The following MLC1 variants were observed in gnomAD, a reference collection of about 807,000 sequenced individuals.
MLC1 encodes membrane protein MLC1.
In MLC1, 32 loss-of-function variants were observed where a neutral mutation model predicts 44.7. The observed-to-expected ratio is 0.72, with a 90% confidence interval of 0.54 to 0.96. The LOEUF is 0.96. Ranked by LOEUF, MLC1 falls within the 40% of genes least tolerant of loss-of-function variation. The pLI, the probability that MLC1 is intolerant of heterozygous loss-of-function variation, is 0.00. For synonymous variants in MLC1, 190 were observed against 213.0 expected (o/e 0.89, Z 0.94); for missense variants, 459 against 492.2 (o/e 0.93, Z 0.64).
At chr22:50,072,555 G>A (rs938012975) in intron 8 of MLC1, among the ~76,000 whole-genome samples, 7 of 152,196 alleles carry the variant, frequency 4.6e-5, no homozygotes, top group Non-Finnish European at 7.4e-5. Context: ...AGAGAGCAGA[G>A]CCACCCCCGA....
At chr22:50,073,409 G>T (rs2061905644) in intron 8 of MLC1, among the ~76,000 whole-genome samples, 1 of 152,252 alleles carries the variant, frequency 6.6e-6, no homozygotes, top group Non-Finnish European at 1.5e-5. Flanking sequence ...TGGGCTACAG[G>T]CTGTGAGGGG....
Position 50,077,516 on chromosome 22 carries a change from C to T in MLC1, c.424-14G>A, listed in dbSNP as rs2062014700. ...GTTGAAGTTGATCTGCCAAGGGGCA[C>T]ACACGCTTCAGCACCGGGCCCGCCT... On this transcript the variant is annotated splice_polypyrimidine_tract_variant and intron_variant, in intron 5 of 11. Coordinates refer to ENST00000311597, the MANE Select transcript of MLC1 (RefSeq NM_015166.4). The T allele has an allele frequency of 6.2e-7, 1 of 1,607,412 alleles. No individual in the cohort carries two copies. Among genetic ancestry groups the T allele is most frequent in the African/African-American group, 1.3e-5 (1 of 74,930 alleles).
At chr22:50,074,931 C>T (rs2061942740) in intron 7 of MLC1, among the ~76,000 whole-genome samples, 1 of 152,246 alleles carries the variant, frequency 6.6e-6, no homozygotes, top group Admixed American at 6.5e-5. Flanking sequence ...GCAGAGCTGT[C>T]TCTGAGCTGC....
Position 50,083,532 on chromosome 22 carries a change from C to G in MLC1, c.178-359G>C, listed in dbSNP as rs1181479208. On this transcript the variant is annotated intron_variant, in intron 2 of 11. Coordinates refer to ENST00000311597, the MANE Select transcript of MLC1 (RefSeq NM_015166.4). The surrounding 1 kb of genome is among the most constrained non-coding windows in gnomAD (Gnocchi z 4.6). ...TGTGCGTGCAGTCTTCCAGATCCCA[C>G]ACCCAGGTCCAGACACGAGACTGGA... 3.9e-5 allele frequency among the ~76,000 whole-genome samples: 6 copies of G among 152,228 alleles called. No individual in the cohort carries two copies. The highest frequency in any genetic ancestry group is 1.4e-4 in the African/African-American group (6 of 41,458).
At chr22:50,080,687 G>A (rs976120417) in intron 3 of MLC1, among the ~76,000 whole-genome samples, 8 of 152,090 alleles carry the variant, frequency 5.3e-5, no homozygotes, top group African/African-American at 9.7e-5. Context: ...GGCATGAGCC[G>A]CTGCGCCCAA....
intron 10 of MLC1, among the ~76,000 whole-genome samples, chr22:50,066,659 T>TAAA (rs201958391): frequency 1.5e-4 from 22 of 143,438 alleles, no homozygotes; most frequent in South Asian, 4.4e-4. Flanking sequence ...GACTCTATCT[T>TAAA]AAAAAAAAAA....
intron 8 of MLC1, among the ~76,000 whole-genome samples, chr22:50,073,167 C>T (rs1401935530): frequency 1.3e-5 from 2 of 152,234 alleles, no homozygotes; most frequent in African/African-American, 2.4e-5. Context: ...GCATGGGCCT[C>T]GGCAGCTTCA....
chr22:50,083,290 A>C lies in MLC1; in HGVS notation c.178-117T>G. On this transcript the variant is annotated intron_variant, in intron 2 of 11. Transcript: ENST00000311597. The surrounding 1 kb of genome is among the most constrained non-coding windows in gnomAD (Gnocchi z 4.6). ...TGGTGACTCACCCACGTCCCCCAGC[A>C]TCAACCACACCCGCACCTGGGACCC... 1 of 911,468 alleles carries C rather than the reference A, an allele frequency of 1.1e-6. No individual in the cohort carries two copies. Among genetic ancestry groups the C allele is most frequent in the Non-Finnish European group, 1.8e-6 (1 of 569,616 alleles). 56.5% of individuals were successfully genotyped at this position (911,468 alleles called of 1,614,324 possible).
chr22:50,071,283 G>A (rs922418525), intron 8 of MLC1, among the ~76,000 whole-genome samples: 1 of 152,066 alleles, frequency 6.6e-6, no homozygotes, highest in African/African-American at 2.4e-5. Context: ...GTAGAGACGG[G>A]GTTTCGCCTT....
At chr22:50,063,694 C>T (rs1440725316) in intron 11 of MLC1, among the ~76,000 whole-genome samples, 27 of 139,878 alleles carry the variant, frequency 1.9e-4, no homozygotes, top group South Asian at 7.1e-4. Context: ...ACCCACAGGC[C>T]TCTCACCTCC....
chr22:50,061,351 C>T lies in MLC1; in HGVS notation c.*232G>A, dbSNP rs549774157. Reference sequence around the variant, plus strand: ...AGTTGCGGCCATGCTCCTGCTGTTACGACACGGGAGCCACTCGGAGCTGAC... The same window carrying T: ...AGTTGCGGCCATGCTCCTGCTGTTATGACACGGGAGCCACTCGGAGCTGAC... On this transcript the variant is annotated 3_prime_UTR_variant, in exon 12 of 12. Transcript: ENST00000311597. 8 of 579,850 alleles carry T rather than the reference C, an allele frequency of 1.4e-5. No homozygotes were observed. Among genetic ancestry groups the T allele is most frequent in the East Asian group, 1.2e-4 (4 of 33,980 alleles). The allele number at this position is 579,850 out of a possible 1,614,324, so 35.9% of individuals were successfully genotyped here.
chr22:50,073,560 G>GTATTTTTAGTAT (rs2061909613), intron 8 of MLC1, among the ~76,000 whole-genome samples: 1 of 152,078 alleles, frequency 6.6e-6, no homozygotes, highest in Non-Finnish European at 1.5e-5. Context: ...GCAAAACCCG[G>GTATTTTTAGTAT]TCTCTACTAA....
At chr22:50,081,462 C>G in intron 3 of MLC1, among the ~76,000 whole-genome samples, 1 of 152,268 alleles carries the variant, frequency 6.6e-6, no homozygotes, top group Non-Finnish European at 1.5e-5. Context: ...CCTCAGCCTT[C>G]TTGTCCCCAC....
At chr22:50,073,045 C>A (rs1470537381) in intron 8 of MLC1, among the ~76,000 whole-genome samples, 1 of 152,144 alleles carries the variant, frequency 6.6e-6, no homozygotes, top group Non-Finnish European at 1.5e-5. Flanking sequence ...CCCGGCCACA[C>A]CGTTCCCGGG....
rs934333806 is a variant in MLC1, at chr22:50,069,524, T to C, written c.772-969A>G. 2.4e-4 allele frequency among the ~76,000 whole-genome samples: 36 copies of C among 151,900 alleles called. 1 individual carries two copies. The highest frequency in any genetic ancestry group is 2.4e-3 in the Admixed American group (36 of 15,242). On this transcript the variant is annotated intron_variant, in intron 9 of 11. Transcript: ENST00000311597. ...AAGCGGGTGTGGTGGCGCATGCCTG[T>C]AGTCCCAGCTACTTGGGAGGCTGAG...
chr22:50,068,679 C>T, intron 9 of MLC1, 124 bp from the exon 10 acceptor site: 1 of 1,077,648 alleles, frequency 9.3e-7, no homozygotes, highest in Non-Finnish European at 1.4e-6. Context: ...AAGCTGGTTC[C>T]CTGCATGACT....
intron 7 of MLC1, 191 bp from the exon 8 acceptor site, chr22:50,074,523 C>T (rs2146860602): frequency 1.6e-5 from 10 of 625,360 alleles, no homozygotes; most frequent in South Asian, 1.4e-4. Flanking sequence ...TCAGCTGCGG[C>T]TTTTCACGTC....
At chr22:50,068,789 T>A (rs2146816031) in intron 9 of MLC1, among the ~76,000 whole-genome samples, 1 of 148,038 alleles carries the variant, frequency 6.8e-6, no homozygotes, top group South Asian at 2.1e-4. Flanking sequence ...TGCAGTGGCA[T>A]GATCTTGGCT....
intron 9 of MLC1, among the ~76,000 whole-genome samples, 180 bp from the exon 10 acceptor site, chr22:50,068,735 T>TTA (rs2061778789): frequency 8.2e-6 from 1 of 121,490 alleles, no homozygotes; most frequent in Non-Finnish European, 1.9e-5. Flanking sequence ...CTTTTTTTTT[T>TTA]TTTTTTTTTT....
Sources: gnomAD v4.1 joint callset for allele counts (sites outside exome capture counted in the v4.1 genomes callset) on GRCh38, gnomAD v4.1.1 for gene constraint, Gnocchi (gnomAD v3.1) non-coding constraint, MANE v1.5 for transcripts, NCBI Gene and HGNC (gene_info 2026-07-23, HGNC 2026-07-21) for gene names.